Variants in LRP1B observed in about 807,000 individuals in gnomAD.
LRP1B encodes LDL receptor related protein 1B.
Under a neutral mutation model 556.6 loss-of-function variants are expected in LRP1B, and 217 were observed. That is an observed-to-expected ratio of 0.39 (90% CI 0.35 to 0.44). The LOEUF (loss-of-function observed/expected upper bound fraction) is 0.44, where lower values mean the gene tolerates loss of function less well. Ranked by LOEUF, LRP1B falls within the 20% of genes least tolerant of loss-of-function variation. The pLI, the probability that LRP1B is intolerant of heterozygous loss-of-function variation, is 1.00. For synonymous variants in LRP1B, 2,047 were observed against 1,865.8 expected (o/e 1.10, Z -2.50); for missense variants, 5,053 against 5,620.8 (o/e 0.90, Z 3.23).
chr2:140,353,062 T>C lies in LRP1B; in HGVS notation c.11541A>G (p.Glu3847=). The change falls in exon 76 of 91, where the codon GAA becomes GAG. Residue 3847 remains glutamate, a synonymous_variant. Transcript: ENST00000389484. ...GGGAACATGTGCCAAACACCAAACA[T>C]TCATTAAGGTCTAGAAAAGAAGAGC... ...MKNRQCEDLN[E]CLVFGTCSHQ... 6.2e-7 allele frequency: 1 copy of C among 1,612,820 alleles called. No homozygotes were observed. Among genetic ancestry groups the C allele is most frequent in the Non-Finnish European group, 8.5e-7 (1 of 1,179,314 alleles).
At chr2:141,846,583 A>G (rs543837561) in intron 1 of LRP1B, among the ~76,000 whole-genome samples, 43 of 151,744 alleles carry the variant, frequency 2.8e-4, no homozygotes, top group Non-Finnish European at 5.2e-4. Context: ...ATAACTAACT[A>G]TAAAACATAT....
intron 35 of LRP1B, among the ~76,000 whole-genome samples, chr2:140,730,431 T>G (rs1055573971): frequency 6.6e-6 from 1 of 152,206 alleles, no homozygotes; most frequent in Non-Finnish European, 1.5e-5. Flanking sequence ...TTGATATCTA[T>G]TTTAATCCAT....
intron 1 of LRP1B, among the ~76,000 whole-genome samples, chr2:142,060,771 C>A (rs1704876941): frequency 6.6e-6 from 1 of 152,002 alleles, no homozygotes; most frequent in Admixed American, 6.6e-5. Context: ...AAATGTACAA[C>A]CACTTCCAAT....
chr2:141,547,361 C>T (rs919823885), intron 2 of LRP1B, among the ~76,000 whole-genome samples: 23 of 152,100 alleles, frequency 1.5e-4, no homozygotes, highest in Non-Finnish European at 2.9e-5. Context: ...TGATAATTGG[C>T]CTCCCAATTT....
At chr2:140,394,225 C>T (rs551878522) in intron 66 of LRP1B, among the ~76,000 whole-genome samples, 2 of 147,728 alleles carry the variant, frequency 1.4e-5, no homozygotes, top group Admixed American at 1.4e-4. Context: ...TTTGAAACTA[C>T]TGTTCTCATA....
intron 11 of LRP1B, among the ~76,000 whole-genome samples, chr2:141,045,123 A>G (rs1368251159): frequency 7.3e-6 from 1 of 137,440 alleles, no homozygotes; most frequent in African/African-American, 2.6e-5. Context: ...CTTTGTGGGG[A>G]CATGGATGAA....
At chr2:140,452,130 T>C (rs1686909783) in intron 62 of LRP1B, among the ~76,000 whole-genome samples, 1 of 152,182 alleles carries the variant, frequency 6.6e-6, no homozygotes, top group Non-Finnish European at 1.5e-5. Flanking sequence ...TTATTGCATA[T>C]CACTTTTATG....
intron 83 of LRP1B, among the ~76,000 whole-genome samples, chr2:140,304,668 C>T (rs923879521): frequency 2.6e-5 from 4 of 152,208 alleles, no homozygotes; most frequent in South Asian, 2.1e-4. Context: ...AGTTAGATCC[C>T]GTTTGTCAAT....
intron 31 of LRP1B, among the ~76,000 whole-genome samples, chr2:140,826,362 A>C (rs893819470): frequency 6.6e-6 from 1 of 152,154 alleles, no homozygotes; most frequent in Non-Finnish European, 1.5e-5. Flanking sequence ...CCCACATCCC[A>C]AAAATATGCA....
intron 11 of LRP1B, among the ~76,000 whole-genome samples, chr2:141,033,722 G>A (rs554650327): frequency 3.9e-4 from 59 of 152,096 alleles, no homozygotes; most frequent in Non-Finnish European, 6.9e-4. Context: ...TGGGAACACT[G>A]TGAGAAGGAG....
At chr2:141,331,508 T>TTCTTTCTTTCTTTC (rs1313402904) in intron 3 of LRP1B, among the ~76,000 whole-genome samples, 1 of 65,882 alleles carries the variant, frequency 1.5e-5, no homozygotes, top group Non-Finnish European at 3.3e-5. Context: ...CTTTCCTTCT[T>TTCTTTCTTTCTTTC]TCTTTCTTTC....
At chr2:140,957,440 C>A (rs1010767964) in intron 18 of LRP1B, among the ~76,000 whole-genome samples, 5 of 151,186 alleles carry the variant, frequency 3.3e-5, no homozygotes, top group Admixed American at 1.3e-4. Flanking sequence ...ATTTAAATGA[C>A]AAAGTATTAG....
rs573104954 is a variant in LRP1B, at chr2:141,585,030, A to C, written c.206-104497T>G. ...TGAACTATACACCTAAAAATGGCTA[A>C]AATGGTAAATTTTATGTCATGTGTT... On this transcript the variant is annotated intron_variant, in intron 2 of 90. Transcript: ENST00000389484. Among the ~76,000 whole-genome samples, 37 of 152,336 alleles carry C rather than the reference A, an allele frequency of 2.4e-4. No individual in the cohort carries two copies. In the South Asian group the frequency reaches 7.0e-3, roughly 29 times the overall value.
chr2:141,742,376 C>A (rs1408470998), intron 2 of LRP1B, among the ~76,000 whole-genome samples: 1 of 151,706 alleles, frequency 6.6e-6, no homozygotes, highest in Non-Finnish European at 1.5e-5. Flanking sequence ...CTCAGCCTCT[C>A]GAGTAGCTGG....
chr2:140,788,594 G>A (rs555587676), intron 32 of LRP1B, among the ~76,000 whole-genome samples: 184 of 152,250 alleles, frequency 1.2e-3, no homozygotes, highest in African/African-American at 4.3e-3. Flanking sequence ...TATAACAACC[G>A]ACATTAAGAA....
intron 1 of LRP1B, among the ~76,000 whole-genome samples, chr2:141,905,784 T>TGTGTGTGTGC (rs1699739549): frequency 6.6e-6 from 1 of 150,864 alleles, no homozygotes; most frequent in Non-Finnish European, 1.5e-5. Flanking sequence ...TGTGTGTGTG[T>TGTGTGTGTGC]GTGTGTGTGT....
In LRP1B at chr2:140,701,735, C is replaced by T. The variant is rs374473207; in HGVS notation, c.6413G>A (p.Arg2138Gln). 8 of 1,612,254 alleles carry T rather than the reference C, an allele frequency of 5.0e-6. No homozygotes were observed. The highest frequency in any genetic ancestry group is 1.3e-5 in the African/African-American group (1 of 74,812). ...VNLKEVKIFNRVREKGTNVCA... is the reference protein window; with the variant it reads ...VNLKEVKIFNQVREKGTNVCA... ...AGAGTGCTGACCTTTCTCTCTTACT[C>T]GGTTAAATATTTTAACCTCCTTCAG... The change falls in exon 40 of 91, where the codon CGA becomes CAA. Residue 2138 changes from arginine (R) to glutamine (Q), a missense_variant. By Grantham distance (43) the Arg-to-Gln change is conservative. Transcript: ENST00000389484.
intron 86 of LRP1B, among the ~76,000 whole-genome samples, chr2:140,250,380 T>C (rs1315608295): frequency 7.9e-5 from 12 of 151,818 alleles, no homozygotes. Flanking sequence ...GGTAGGTAGG[T>C]AGATAAACAG....
At chr2:141,659,987 T>C (rs550173719) in intron 2 of LRP1B, among the ~76,000 whole-genome samples, 3 of 151,694 alleles carry the variant, frequency 2.0e-5, no homozygotes, top group African/African-American at 7.3e-5. Flanking sequence ...CCAGAAGGGA[T>C]TGACAAAGGA....
Sources: allele counts gnomAD v4.1 joint callset (sites outside exome capture counted in the v4.1 genomes callset), GRCh38; gene constraint gnomAD v4.1.1; transcripts MANE v1.5; gene names NCBI Gene and HGNC (gene_info 2026-07-23, HGNC 2026-07-21).